COPS4: variants seen among roughly 807,000 people sequenced by gnomAD.
COPS4 encodes the protein COP9 signalosome complex subunit 4.
Under a neutral mutation model 55.1 loss-of-function variants are expected in COPS4, and 8 were observed. That is an observed-to-expected ratio of 0.15 (90% CI 0.09 to 0.26). The LOEUF (loss-of-function observed/expected upper bound fraction) is 0.26. COPS4 is among the 10% of genes least tolerant of loss of function. COPS4 has a pLI of 1.00. For synonymous variants in COPS4, 185 were observed against 165.7 expected (o/e 1.12, Z -0.90); for missense variants, 248 against 484.0 (o/e 0.51, Z 4.58).
intron 6 of COPS4, among the ~76,000 whole-genome samples, chr4:83,060,802 G>A (rs989489844): frequency 2.6e-5 from 4 of 151,532 alleles, no homozygotes; most frequent in African/African-American, 7.3e-5. Flanking sequence ...TTGGGAGGCC[G>A]AGGTGGGCGG....
At chr4:83,035,336 GGAAA>G (rs1356616439) in intron 1 of COPS4, 38 bp downstream of exon 1, 2 of 1,469,014 alleles carry the variant, frequency 1.4e-6, no homozygotes, top group East Asian at 5.4e-5. Flanking sequence ...ACAGAGGTGG[GGAAA>G]GAAAGCCACA....
intron 9 of COPS4, among the ~76,000 whole-genome samples, chr4:83,070,129 G>A (rs1335056035): frequency 1.3e-5 from 2 of 151,972 alleles, no homozygotes. Context: ...TCTTCCATCC[G>A]ATTCTACTTT....
chr4:83,057,058 A>G lies in COPS4; in HGVS notation c.543A>G (p.Glu181=). Residue 181 remains glutamate (E), a synonymous_variant, in exon 5 of 10, where the codon GAA becomes GAG. Coordinates refer to ENST00000264389, the MANE Select transcript of COPS4 (RefSeq NM_016129.3). ...ASLLQNESTN[E]QLQIHYKVCY... ...TGCTTCAGAATGAATCAACCAATGA[A>G]CAATTACAGATACATTATAAGGTAA... 2 of 1,613,888 alleles carry G rather than the reference A, an allele frequency of 1.2e-6. No homozygotes were observed. Among genetic ancestry groups the G allele is most frequent in the Middle Eastern group, 3.3e-4 (2 of 6,060 alleles).
At chr4:83,048,628 T>A (rs943752283) in intron 2 of COPS4, among the ~76,000 whole-genome samples, 3 of 152,088 alleles carry the variant, frequency 2.0e-5, no homozygotes, top group South Asian at 2.1e-4. Flanking sequence ...TTTTTTAAGA[T>A]TTTTTAATTA....
At chr4:83,058,338 C>T (rs1214768666) in intron 6 of COPS4, among the ~76,000 whole-genome samples, 5 of 152,148 alleles carry the variant, frequency 3.3e-5, no homozygotes, top group Non-Finnish European at 7.3e-5. Flanking sequence ...CCACTTCAAC[C>T]TCCCAAGTAG....
chr4:83,039,689 TA>T (rs1730509868), intron 1 of COPS4, among the ~76,000 whole-genome samples: 1 of 152,186 alleles, frequency 6.6e-6, no homozygotes, highest in Non-Finnish European at 1.5e-5. Flanking sequence ...TTGAGTGCAG[TA>T]GAGAGATCAT....
intron 4 of COPS4, among the ~76,000 whole-genome samples, chr4:83,053,886 C>T (rs1213589812): frequency 3.3e-5 from 5 of 150,836 alleles, no homozygotes; most frequent in African/African-American, 1.2e-4. Context: ...CCAATCTTAC[C>T]TCTTGATGTA....
At chr4:83,058,954 T>G (rs1273218267) in intron 6 of COPS4, among the ~76,000 whole-genome samples, 2 of 152,232 alleles carry the variant, frequency 1.3e-5, no homozygotes, top group South Asian at 2.1e-4. Flanking sequence ...ACAGGTATTA[T>G]CACATTCTTT....
chr4:83,066,094 G>C (rs904233835), intron 7 of COPS4, among the ~76,000 whole-genome samples: 5 of 152,176 alleles, frequency 3.3e-5, no homozygotes, highest in African/African-American at 9.7e-5. Context: ...GGAGGTTGCA[G>C]TGAGCAGAGA....
intron 4 of COPS4, among the ~76,000 whole-genome samples, chr4:83,055,919 T>G (rs1036430684): frequency 5.5e-5 from 7 of 128,348 alleles, no homozygotes; most frequent in African/African-American, 1.8e-4. Flanking sequence ...TTTCTTTTCT[T>G]TTTTTTCTTT....
Position 83,067,056 on chromosome 4 carries a change from G to GTTTATTTATTTTATTTTTTTTTGTTT in COPS4, c.1002+506_1002+531dup, listed in dbSNP as rs1253552608. 2.2e-4 allele frequency among the ~76,000 whole-genome samples: 33 copies of GTTTATTTATTTTATTTTTTTTTGTTT among 151,990 alleles called. 1 individual carries two copies. Among genetic ancestry groups the GTTTATTTATTTTATTTTTTTTTGTTT allele is most frequent in the East Asian group, 1.2e-3 (6 of 5,176 alleles). ...TCTCTGGCAGTGAAATTTTTTGTCT[G>GTTTATTTATTTTATTTTTTTTTGTTT]TTTATTTATTTTATTTTTTTTTGTT... On this transcript the variant is annotated intron_variant, in intron 8 of 9. Transcript: ENST00000264389.
At chr4:83,074,103 A>G (rs1027389499) in intron 9 of COPS4, among the ~76,000 whole-genome samples, 1 of 152,190 alleles carries the variant, frequency 6.6e-6, no homozygotes. Context: ...TGGTGGATTC[A>G]AGATGACTTT....
intron 4 of COPS4, among the ~76,000 whole-genome samples, chr4:83,051,098 C>CAAAA (rs536123309): frequency 9.7e-6 from 1 of 102,942 alleles, no homozygotes; most frequent in Non-Finnish European, 2.1e-5. Flanking sequence ...CCATCTCCAC[C>CAAAA]AAAAAAAAAA....
chr4:83,039,025 T>C (rs1297037010), intron 1 of COPS4, among the ~76,000 whole-genome samples: 8 of 152,214 alleles, frequency 5.3e-5, no homozygotes, highest in African/African-American at 1.9e-4. Context: ...TTTACTTTTC[T>C]ATGTCAGTTA....
At chr4:83,064,051 T>C (rs1731238900) in intron 7 of COPS4, among the ~76,000 whole-genome samples, 1 of 152,198 alleles carries the variant, frequency 6.6e-6, no homozygotes, top group Admixed American at 6.5e-5. Context: ...AAATATATAT[T>C]ATGGCTGGGC....
At chr4:83,064,748 T>TG (rs1731252252) in intron 7 of COPS4, among the ~76,000 whole-genome samples, 5 of 152,132 alleles carry the variant, frequency 3.3e-5, no homozygotes, top group African/African-American at 1.2e-4. Flanking sequence ...TTTGTAGAGT[T>TG]GGGGTCTCAC....
At position 83,072,330 on chromosome 4, in the gene COPS4, C is replaced by T. The variant is rs146952025; in HGVS notation, c.1088-2967C>T. ...GGTCAGCCTGGTCTTGAACTCCCAA[C>T]CTCAGGTGATCAGCCTGCCTCAGCC... On this transcript the variant is annotated intron_variant, in intron 9 of 9. Transcript: ENST00000264389. 6.1e-3 allele frequency among the ~76,000 whole-genome samples: 922 copies of T among 151,758 alleles called. 4 individuals are homozygous for T. Among genetic ancestry groups the T allele is most frequent in the Non-Finnish European group, 0.01 (707 of 67,900 alleles).
chr4:83,043,518 CAAAAA>C (rs34480105), intron 1 of COPS4, among the ~76,000 whole-genome samples: 1 of 17,682 alleles, frequency 5.7e-5, no homozygotes, highest in Non-Finnish European at 1.2e-4. Context: ...GACCCTGTCT[CAAAAA>C]AAAAAAAAAA....
chr4:83,067,350 TC>T (rs1215953807), intron 8 of COPS4, among the ~76,000 whole-genome samples: 1 of 151,848 alleles, frequency 6.6e-6, no homozygotes, highest in Non-Finnish European at 1.5e-5. Flanking sequence ...CAGGCGATTC[TC>T]CTACCTCAGC....
Sources: gnomAD v4.1 joint callset for allele counts (sites outside exome capture counted in the v4.1 genomes callset) on GRCh38, gnomAD v4.1.1 for gene constraint, MANE v1.5 for transcripts, NCBI Gene and HGNC (gene_info 2026-07-23, HGNC 2026-07-21) for gene names.